The following RRM1 variants were observed in gnomAD, a reference collection of about 807,000 sequenced individuals.
RRM1 encodes the protein ribonucleoside-diphosphate reductase large subunit.
Under a neutral mutation model 101.5 loss-of-function variants are expected in RRM1, and 19 were observed. The ratio of observed to expected loss-of-function variants is 0.19; its 90% CI spans 0.13 to 0.27. RRM1 has a LOEUF of 0.27. RRM1 is among the 10% of genes least tolerant of loss of function. The probability of loss-of-function intolerance (pLI) is 1.00; values close to 1 mark genes in which losing one functional copy is unlikely to be tolerated. For synonymous variants in RRM1, 298 were observed against 323.4 expected (o/e 0.92, Z 0.84); for missense variants, 500 against 962.9 (o/e 0.52, Z 6.36).
At chr11:4,130,478 T>G (rs1345019237) in intron 15 of RRM1, among the ~76,000 whole-genome samples, 1 of 152,060 alleles carries the variant, frequency 6.6e-6, no homozygotes, top group South Asian at 2.1e-4. Flanking sequence ...GGTGGATCAC[T>G]TGAGGTCAGG....
chr11:4,136,087 C>G (rs574565538), intron 18 of RRM1, among the ~76,000 whole-genome samples: 91 of 151,828 alleles, frequency 6.0e-4, no homozygotes, highest in African/African-American at 2.2e-3. Flanking sequence ...AAGAGATAAG[C>G]CTGTTTTAGG....
intron 8 of RRM1, chr11:4,119,630 C>G: frequency 2.1e-6 from 1 of 483,708 alleles, no homozygotes. Context: ...ATTAGAAATG[C>G]CATGAGGTAA....
At chr11:4,138,130 T>A in intron 18 of RRM1, 65 bp from the exon 19 acceptor site, 1 of 886,412 alleles carries the variant, frequency 1.1e-6, no homozygotes. Flanking sequence ...ATTTTAAATA[T>A]TGGTGTGGAA....
intron 13 of RRM1, 88 bp downstream of exon 13, chr11:4,126,921 G>A (rs542581094): frequency 2.1e-6 from 3 of 1,420,968 alleles, no homozygotes; most frequent in South Asian, 2.6e-5. Flanking sequence ...CATTTAAATG[G>A]TTATCAATAA....
chr11:4,105,280 G>C (rs2094556747), intron 2 of RRM1, among the ~76,000 whole-genome samples: 1 of 152,090 alleles, frequency 6.6e-6, no homozygotes, highest in Non-Finnish European at 1.5e-5. Context: ...AGGCTGGAGT[G>C]CAGTGCCATG....
intron 2 of RRM1, among the ~76,000 whole-genome samples, chr11:4,103,651 G>A (rs1048135551): frequency 3.9e-5 from 6 of 152,066 alleles, no homozygotes; most frequent in African/African-American, 1.4e-4. Flanking sequence ...GACCAGCCTG[G>A]GCAACATGGT....
chr11:4,122,307 A>C (rs1017256113), intron 11 of RRM1, 87 bp downstream of exon 11: 16 of 1,014,434 alleles, frequency 1.6e-5, no homozygotes, highest in Non-Finnish European at 2.3e-5. Context: ...GTACTTGTCA[A>C]GAATCTTTTG....
chr11:4,101,189 A>G (rs2094550398), intron 1 of RRM1, among the ~76,000 whole-genome samples: 1 of 152,180 alleles, frequency 6.6e-6, no homozygotes, highest in African/African-American at 2.4e-5. Context: ...GACATTGAGC[A>G]AAAGACCTAA....
chr11:4,134,211 A>T (rs2133324794), intron 17 of RRM1, among the ~76,000 whole-genome samples: 1 of 152,180 alleles, frequency 6.6e-6, no homozygotes, highest in East Asian at 1.9e-4. Flanking sequence ...ACCTCAGGTG[A>T]TCCGCCTGCC....
chr11:4,097,713 T>C (rs924080181), intron 1 of RRM1, among the ~76,000 whole-genome samples: 46 of 152,284 alleles, frequency 3.0e-4, no homozygotes, highest in African/African-American at 1.1e-3. Flanking sequence ...TGCCTCAGCC[T>C]CCTCAGTAGC....
At chr11:4,106,742 C>T (rs1028902949) in intron 3 of RRM1, among the ~76,000 whole-genome samples, 7 of 151,436 alleles carry the variant, frequency 4.6e-5, no homozygotes, top group African/African-American at 1.5e-4. Context: ...AGTGAGACTC[C>T]GTCTCATAAA....
At position 4,126,734 on chromosome 11, in the gene RRM1, A is replaced by C. The variant is rs749373217; in HGVS notation, c.1371A>C (p.Ser457=). 1.2e-6 allele frequency: 2 copies of C among 1,613,744 alleles called. No homozygotes were observed. Among genetic ancestry groups the C allele is most frequent in the South Asian group, 2.2e-5 (2 of 91,028 alleles). The stretch of plus-strand genomic sequence containing the variant: ...TGGCCCTGAATATGTATGTCACATC[A>C]GAACACACATACGACTTTAAGAAGT... The part of the protein sequence containing the change: ...ASLALNMYVT[S]EHTYDFKKLA... Residue 457 remains serine, a synonymous_variant, in exon 13 of 19, where the codon TCA becomes TCC. Coordinates refer to ENST00000300738, the MANE Select transcript of RRM1 (RefSeq NM_001033.5).
intron 9 of RRM1, among the ~76,000 whole-genome samples, chr11:4,120,709 A>G (rs1753694056): frequency 6.6e-6 from 1 of 152,192 alleles, no homozygotes; most frequent in Non-Finnish European, 1.5e-5. Flanking sequence ...TGGAATAACA[A>G]AACTCTCCCT....
chr11:4,097,308 A>C (rs550720111), intron 1 of RRM1, among the ~76,000 whole-genome samples: 80 of 150,516 alleles, frequency 5.3e-4, no homozygotes, highest in African/African-American at 1.9e-3. Context: ...AAAACCACAA[A>C]GTGCTAGCTA....
chr11:4,126,909 A>G, intron 13 of RRM1, 76 bp downstream of exon 13: 1 of 1,438,106 alleles, frequency 7.0e-7, no homozygotes, highest in Non-Finnish European at 9.6e-7. Context: ...TCTTCAAGTC[A>G]TCATTTAAAT....
At chr11:4,133,516 A>C (rs767452827) in intron 16 of RRM1, 47 bp from the exon 17 acceptor site, 1 of 1,154,400 alleles carries the variant, frequency 8.7e-7, no homozygotes, top group Non-Finnish European at 1.3e-6. Context: ...TTTTCTAAGC[A>C]GTCACTGTTA....
chr11:4,135,713 C>T (rs1331670331), intron 18 of RRM1, among the ~76,000 whole-genome samples: 2 of 152,266 alleles, frequency 1.3e-5, no homozygotes, highest in African/African-American at 2.4e-5. Context: ...TATTCAAAAA[C>T]ATCCATTGTT....
At chr11:4,117,204 G>A (rs1215476069) in intron 7 of RRM1, among the ~76,000 whole-genome samples, 1 of 152,192 alleles carries the variant, frequency 6.6e-6, no homozygotes, top group Non-Finnish European at 1.5e-5. Context: ...TACATTGCTA[G>A]AAATAGATTT....
intron 1 of RRM1, among the ~76,000 whole-genome samples, chr11:4,097,144 A>G (rs2094544727): frequency 6.6e-6 from 1 of 151,500 alleles, no homozygotes; most frequent in Non-Finnish European, 1.5e-5. Flanking sequence ...AGTTAGCCGG[A>G]CGGTAGTGGT....
Sources: gnomAD v4.1 joint callset for allele counts (sites outside exome capture counted in the v4.1 genomes callset) on GRCh38, gnomAD v4.1.1 for gene constraint, MANE v1.5 for transcripts, NCBI Gene and HGNC (gene_info 2026-07-23, HGNC 2026-07-21) for gene names.